DPP6: variants seen among roughly 807,000 people sequenced by gnomAD.
DPP6 encodes the protein dipeptidyl peptidase like 6.
DPP6 carries 69 observed loss-of-function variants against 122.6 expected under a neutral mutation model. That is an observed-to-expected ratio of 0.56 (90% CI 0.46 to 0.69). The LOEUF is 0.69. DPP6 is among the 30% of genes least tolerant of loss of function. The pLI is 0.00. For missense variants in DPP6, 928 were observed against 1,116.9 expected, an observed-to-expected ratio of 0.83 and a Z score of 2.41; for synonymous variants, 418 against 433.1, an observed-to-expected ratio of 0.97 and a Z score of 0.43.
At chr7:154,846,482 G>A (rs1395275092) in intron 16 of DPP6, among the ~76,000 whole-genome samples, 6 of 152,174 alleles carry the variant, frequency 3.9e-5, no homozygotes, top group East Asian at 1.9e-4. Context: ...CAACATTAGC[G>A]GAAAGTCAGC....
intron 1 of DPP6, among the ~76,000 whole-genome samples, chr7:154,356,300 G>T (rs1811261963): frequency 6.6e-6 from 1 of 152,046 alleles, no homozygotes; most frequent in East Asian, 1.9e-4. Flanking sequence ...TATTTTTCCT[G>T]TTCTCACAGT....
chr7:153,955,857 T>TAC (rs1293396015), intron 1 of DPP6, among the ~76,000 whole-genome samples: 39 of 152,352 alleles, frequency 2.6e-4, no homozygotes, highest in Admixed American at 1.2e-3. Context: ...TTTCAGAGTC[T>TAC]ACACTCTTAA....
intron 17 of DPP6, among the ~76,000 whole-genome samples, chr7:154,867,113 C>A (rs1319281598): frequency 6.6e-6 from 1 of 152,008 alleles, no homozygotes; most frequent in East Asian, 1.9e-4. Flanking sequence ...ATTTGACGAG[C>A]CAAAGGCAAA....
intron 1 of DPP6, among the ~76,000 whole-genome samples, chr7:154,341,441 A>T (rs986326762): frequency 6.6e-6 from 1 of 151,998 alleles, no homozygotes; most frequent in Non-Finnish European, 1.5e-5. Flanking sequence ...TGCCTTTCTC[A>T]TACTCTGTAG....
At chr7:154,354,943 T>G (rs1028926595) in intron 1 of DPP6, among the ~76,000 whole-genome samples, 2 of 152,204 alleles carry the variant, frequency 1.3e-5, no homozygotes, top group Admixed American at 1.3e-4. Flanking sequence ...CCAGAGTAGT[T>G]GCACCAATTT....
At chr7:154,194,708 C>T (rs1399982818) in intron 1 of DPP6, among the ~76,000 whole-genome samples, 3 of 152,328 alleles carry the variant, frequency 2.0e-5, no homozygotes, top group East Asian at 1.9e-4. Context: ...TGGTTTCGTT[C>T]GCACTTGCCT....
At chr7:154,778,808 TC>T (rs1431712457) in intron 10 of DPP6, among the ~76,000 whole-genome samples, 9 of 139,754 alleles carry the variant, frequency 6.4e-5, no homozygotes, top group Non-Finnish European at 1.1e-4. Context: ...CTCCACAACC[TC>T]TACAACTTCC....
chr7:154,845,116 C>T (rs1801843112), intron 16 of DPP6, among the ~76,000 whole-genome samples: 4 of 152,164 alleles, frequency 2.6e-5, no homozygotes, highest in Admixed American at 2.6e-4. Flanking sequence ...CAATTATAAG[C>T]TTGGGAGGTC....
At chr7:154,295,882 C>T (rs181001844) in intron 1 of DPP6, among the ~76,000 whole-genome samples, 2 of 151,688 alleles carry the variant, frequency 1.3e-5, no homozygotes, top group Non-Finnish European at 2.9e-5. Context: ...TGTTCCCTCC[C>T]TGTTGCTCTG....
At position 153,918,978 on chromosome 7, in the gene DPP6, C is replaced by CAAAA. The variant is rs386411718; in HGVS notation, c.51+31260_51+31263dup. 7.2e-4 allele frequency among the ~76,000 whole-genome samples: 64 copies of CAAAA among 89,144 alleles called. 2 individuals are homozygous for CAAAA. The South Asian group carries it at 9.4e-3, about 13-fold the overall frequency. 58.5% of individuals were successfully genotyped at this position (89,144 alleles called of 152,430 possible). On this transcript the variant is annotated intron_variant, in intron 1 of 25. Coordinates refer to the DPP6 transcript ENST00000404039. ...TGGGTGACAGAGCAAGACTCTGTCT[C>CAAAA]AAAAAAAAAAAAAAAAAAAGAAAAT...
At chr7:154,076,308 T>C (rs935479776) in intron 1 of DPP6, among the ~76,000 whole-genome samples, 2 of 152,068 alleles carry the variant, frequency 1.3e-5, no homozygotes, top group African/African-American at 4.8e-5. Flanking sequence ...AAATTAGCCA[T>C]GCACAGTGGC....
At chr7:154,236,892 G>A (rs1801250185) in intron 1 of DPP6, among the ~76,000 whole-genome samples, 1 of 152,090 alleles carries the variant, frequency 6.6e-6, no homozygotes, top group East Asian at 1.9e-4. Flanking sequence ...GTCCTGGAGG[G>A]TTTCCCCGGT....
intron 7 of DPP6, among the ~76,000 whole-genome samples, chr7:154,685,810 A>G (rs1839563980): frequency 6.6e-6 from 1 of 152,232 alleles, no homozygotes; most frequent in Non-Finnish European, 1.5e-5. Flanking sequence ...CAAAGTTAAG[A>G]TCAGGATGTG....
the DPP6 span, among the ~76,000 whole-genome samples, chr7:153,781,588 T>A: frequency 6.6e-6 from 1 of 152,202 alleles, no homozygotes; most frequent in Admixed American, 6.5e-5. Flanking sequence ...TGAAAGCTTT[T>A]CTGCTCATCT....
chr7:154,574,717 GT>G (rs1831394393), intron 5 of DPP6, among the ~76,000 whole-genome samples: 1 of 144,644 alleles, frequency 6.9e-6, no homozygotes, highest in African/African-American at 2.6e-5. Flanking sequence ...GTGTATGTGT[GT>G]GTGGGGTGTA....
intron 1 of DPP6, among the ~76,000 whole-genome samples, chr7:154,190,197 C>G (rs535811761): frequency 1.3e-5 from 2 of 152,318 alleles, no homozygotes; most frequent in South Asian, 4.1e-4. Flanking sequence ...AGGTGCATGA[C>G]TAACATTGGC....
At chr7:154,506,038 A>G (rs558981885) in intron 3 of DPP6, among the ~76,000 whole-genome samples, 7 of 152,174 alleles carry the variant, frequency 4.6e-5, no homozygotes, top group Admixed American at 4.6e-4. Context: ...TGAATCATTT[A>G]TTAATATCAG....
At chr7:154,208,334 G>A (rs1436568112) in intron 1 of DPP6, among the ~76,000 whole-genome samples, 2 of 152,174 alleles carry the variant, frequency 1.3e-5, no homozygotes, top group South Asian at 4.1e-4. Flanking sequence ...GCCAAAAATA[G>A]AGCTGAACTC....
intron 1 of DPP6, among the ~76,000 whole-genome samples, chr7:154,187,105 G>T (rs761462085): frequency 2.7e-4 from 41 of 152,222 alleles, no homozygotes; most frequent in Non-Finnish European, 5.7e-4. Flanking sequence ...CTAATGATCT[G>T]CAGCCAGGGT....
Sources: gnomAD v4.1 joint callset for allele counts (sites outside exome capture counted in the v4.1 genomes callset) on GRCh38, gnomAD v4.1.1 for gene constraint, MANE v1.5 for transcripts, NCBI Gene and HGNC (gene_info 2026-07-23, HGNC 2026-07-21) for gene names.